The following STRIP1 variants were observed in gnomAD, a reference collection of about 807,000 sequenced individuals.
STRIP1 encodes the protein striatin-interacting protein 1.
Under a neutral mutation model 106.2 loss-of-function variants are expected in STRIP1, and 63 were observed. The observed-to-expected ratio is 0.59, with a 90% CI of 0.48 to 0.73. STRIP1 has a LOEUF of 0.73. Ranked by LOEUF, STRIP1 falls within the 30% of genes least tolerant of loss-of-function variation. The pLI is 0.00. For missense variants in STRIP1, 857 were observed against 1,074.8 expected (o/e 0.80, Z 2.83); for synonymous variants, 390 against 413.0 (o/e 0.94, Z 0.67).
At position 110,047,564 on chromosome 1, in the gene STRIP1, T is replaced by G; in HGVS notation, c.1511T>G (p.Val504Gly). Reference protein sequence around the residue: ...LSGGEEEVEQVPAETLYQGLL... With the variant: ...LSGGEEEVEQGPAETLYQGLL... ...AAGGGAGAAGAAGAAGTTGAGCAAG[T>G]CCCTGCAGAAACCCTCTACCAAGGC... is the stretch of plus-strand genomic sequence containing the variant. Residue 504 changes from valine (V) to glycine (G), a missense_variant, in exon 14 of 21, where the codon GTC (valine) becomes GGC (glycine). Val to Gly is a moderately radical substitution (Grantham distance 109). This residue lies in a region of STRIP1 where 750 missense variants were observed against 989.8 expected (regional missense o/e 0.76). Transcript: ENST00000369795. The G allele has an allele frequency of 6.2e-7, 1 of 1,612,130 alleles. No individual in the cohort carries two copies. The highest frequency in any genetic ancestry group is 8.5e-7 in the Non-Finnish European group (1 of 1,179,108).
intron 13 of STRIP1, among the ~76,000 whole-genome samples, chr1:110,047,123 A>T (rs1469371850): frequency 1.3e-5 from 2 of 152,074 alleles, no homozygotes; most frequent in African/African-American, 4.8e-5. Flanking sequence ...GGATTAGACC[A>T]CAAGGTTGCC....
chr1:110,039,325 C>T lies in STRIP1; in HGVS notation c.460+19C>T, dbSNP rs2101768130. ...GCTCAAGGTATTGAGTGGACCTCCC[C>T]AGGGTTCCCTGGCACCTCTGCCCAC... On this transcript the variant is annotated intron_variant, in intron 4 of 20. Transcript: ENST00000369795. 2 of 1,613,994 alleles carry T rather than the reference C, an allele frequency of 1.2e-6. No individual in the cohort carries two copies. The highest frequency in any genetic ancestry group is 1.7e-6 in the Non-Finnish European group (2 of 1,179,958).
intron 15 of STRIP1, 96 bp from the exon 16 acceptor site, chr1:110,049,014 CTT>C: frequency 1.8e-5 from 26 of 1,468,066 alleles, no homozygotes; most frequent in Non-Finnish European, 2.4e-5. Flanking sequence ...AGGTAGGAGT[CTT>C]TGCCCAGGGA....
chr1:110,039,000 C>T (rs564301621), intron 3 of STRIP1, 172 bp from the exon 4 acceptor site: 46 of 822,124 alleles, frequency 5.6e-5, no homozygotes, highest in Admixed American at 8.7e-5. Context: ...AAAATACCAG[C>T]GTTTCAGTTT....
At chr1:110,049,075 G>C in intron 15 of STRIP1, 37 bp from the exon 16 acceptor site, 1 of 1,613,580 alleles carries the variant, frequency 6.2e-7, no homozygotes, top group Non-Finnish European at 8.5e-7. Flanking sequence ...GAGGTACTGC[G>C]CATGCTGGTG....
At chr1:110,036,174 C>T (rs1652443305) in intron 1 of STRIP1, among the ~76,000 whole-genome samples, 4 of 152,296 alleles carry the variant, frequency 2.6e-5, no homozygotes, top group Admixed American at 2.0e-4. Context: ...ACATAGAGGC[C>T]GGGTGCAGTG....
At chr1:110,032,029 T>C (rs1652205681), upstream of STRIP1, among the ~76,000 whole-genome samples, 1 of 152,008 alleles carries the variant, frequency 6.6e-6, no homozygotes, top group Non-Finnish European at 1.5e-5. Context: ...CCACGGTGCC[T>C]GGCCCCTCAA....
chr1:110,045,336 G>C (rs577877211), intron 12 of STRIP1: 65 of 442,282 alleles, frequency 1.5e-4, no homozygotes, highest in Admixed American at 7.7e-4. Context: ...TGACCACCGG[G>C]CACCAAGGCA....
intron 1 of STRIP1, among the ~76,000 whole-genome samples, chr1:110,037,415 A>G (rs1160674507): frequency 6.6e-6 from 1 of 152,240 alleles, no homozygotes; most frequent in African/African-American, 2.4e-5. Context: ...GAGGGTTTCA[A>G]TACTCATTTT....
chr1:110,045,201 G>A (rs1025627263), intron 12 of STRIP1, 123 bp downstream of exon 12: 47 of 810,152 alleles, frequency 5.8e-5, no homozygotes, highest in Admixed American at 3.1e-4. Flanking sequence ...AGAGGCCGGG[G>A]TGGACTTTGC....
Position 110,046,665 on chromosome 1 carries a change from C to T in STRIP1, c.1417-15C>T. On this transcript the variant is annotated splice_polypyrimidine_tract_variant and intron_variant, in intron 12 of 20. Transcript: ENST00000369795. Reference sequence around the variant, plus strand: ...ATGTTTTCCCCAGCCCTTCTTTTCCCATCTCTCCCACCAGCACAAGTACAC... The same window carrying T: ...ATGTTTTCCCCAGCCCTTCTTTTCCTATCTCTCCCACCAGCACAAGTACAC... 6.2e-7 allele frequency: 1 copy of T among 1,612,784 alleles called. No individual in the cohort carries two copies. The highest frequency in any genetic ancestry group is 8.5e-7 in the Non-Finnish European group (1 of 1,178,990).
intron 15 of STRIP1, among the ~76,000 whole-genome samples, 177 bp from the exon 16 acceptor site, chr1:110,048,935 C>G (rs764854196): frequency 2.0e-5 from 3 of 152,150 alleles, no homozygotes; most frequent in Non-Finnish European, 2.9e-5. Context: ...TTGTGCGAGG[C>G]TACATTGCTT....
rs538179795 is a variant in STRIP1, at chr1:110,044,962, A to G, written c.1353-53A>G. The G allele has an allele frequency of 3.9e-4, 636 of 1,613,496 alleles. 8 individuals are homozygous for G. In the South Asian group the frequency reaches 6.3e-3, roughly 16 times the overall value. ...GCTCTCCCGGCCTTTGGTGTTTGGG[A>G]TCCCAGGTGATTTGATGTCGAGGCT... On this transcript the variant is annotated intron_variant, in intron 11 of 20. Transcript: ENST00000369795.
chr1:110,041,339 G>A (rs1652747339), intron 6 of STRIP1, 197 bp from the exon 7 acceptor site: 4 of 530,826 alleles, frequency 7.5e-6, no homozygotes, highest in South Asian at 6.5e-5. Context: ...CCTACAGCTC[G>A]CTACCACCTC....
At chr1:110,039,333 C>A in intron 4 of STRIP1, 27 bp downstream of exon 4, 1 of 1,613,964 alleles carries the variant, frequency 6.2e-7, no homozygotes, top group South Asian at 1.1e-5. Flanking sequence ...CCCAGGGTTC[C>A]CTGGCACCTC....
chr1:110,037,958 C>T lies in STRIP1; in HGVS notation c.248C>T (p.Ser83Leu), dbSNP rs754405291. The T allele has an allele frequency of 5.6e-6, 9 of 1,608,764 alleles. No individual in the cohort carries two copies. Among genetic ancestry groups the T allele is most frequent in the Admixed American group, 3.3e-5 (2 of 59,922 alleles). Reference protein sequence around the residue: ...ADTDKWAAELSELYSYTEGPE... With the variant: ...ADTDKWAAELLELYSYTEGPE... ...ACAGACAAGTGGGCTGCAGAGCTCT[C>T]GGGTAACGCACAGACCTTTGTGTTA... Residue 83 changes from serine (S) to leucine (L), a missense_variant and splice_region_variant, in exon 2 of 21, where the codon TCG (serine) becomes TTG (leucine). By Grantham distance (145) the Ser-to-Leu change is moderately radical (BLOSUM62 -2). Coordinates refer to ENST00000369795, the MANE Select transcript of STRIP1 (RefSeq NM_033088.4).
At chr1:110,033,046 A>G (rs185333897), upstream of STRIP1, among the ~76,000 whole-genome samples, 1 of 152,292 alleles carries the variant, frequency 6.6e-6, no homozygotes, top group East Asian at 1.9e-4. Context: ...GGCTCACTCA[A>G]TTCCAGACAC....
In STRIP1 at chr1:110,034,722, G is replaced by A; in HGVS notation, c.85G>A (p.Ala29Thr). 6.6e-7 allele frequency: 1 copy of A among 1,505,998 alleles called. No individual in the cohort carries two copies. The highest frequency in any genetic ancestry group is 8.9e-7 in the Non-Finnish European group (1 of 1,129,780). The allele number at this position is 1,505,998 out of a possible 1,614,324, so 93.3% of individuals were successfully genotyped here. Residue 29 changes from alanine to threonine, a missense_variant, in exon 1 of 21, where the codon GCA becomes ACA. Ala to Thr is a moderately conservative substitution (Grantham distance 58). This residue lies in a region of STRIP1 where 107 missense variants were observed against 85.1 expected (regional missense o/e 1.26). Transcript: ENST00000369795. ...CCCGCCACCTCCGCCGCCGGCAGCC[G>A]CACAGCCACCACCCGGGGCACCGCG... ...QPPPPPPPAA[A>T]QPPPGAPRAA...
At chr1:110,051,949 C>T in intron 20 of STRIP1, 62 bp downstream of exon 20, 4 of 1,550,528 alleles carry the variant, frequency 2.6e-6, no homozygotes, top group African/African-American at 1.4e-5. Flanking sequence ...ACATCTTTCA[C>T]TCCCTGCCCG....
Sources: allele counts gnomAD v4.1 joint callset (sites outside exome capture counted in the v4.1 genomes callset), GRCh38; gene constraint gnomAD v4.1.1; regional missense constraint gnomAD v4.1.1; transcripts MANE v1.5; gene names NCBI Gene and HGNC (gene_info 2026-07-23, HGNC 2026-07-21).